Variants in HS6ST3 observed in about 807,000 individuals in gnomAD.
HS6ST3 encodes heparan-sulfate 6-O-sulfotransferase 3.
Under a neutral mutation model 36.7 loss-of-function variants are expected in HS6ST3, and 12 were observed. The ratio of observed to expected loss-of-function variants is 0.33; its 90% CI spans 0.21 to 0.53. The LOEUF (loss-of-function observed/expected upper bound fraction) is 0.53, where lower values mean the gene tolerates loss of function less well. HS6ST3 is among the 20% of genes least tolerant of loss of function. The pLI is 0.95. For missense variants in HS6ST3, 584 were observed against 640.9 expected (o/e 0.91, Z 0.96); for synonymous variants, 240 against 257.5 (o/e 0.93, Z 0.65).
chr13:96,832,691 C>T lies in HS6ST3; in HGVS notation c.909C>T (p.Tyr303=). 6.2e-7 allele frequency: 1 copy of T among 1,613,948 alleles called. No homozygotes were observed. The highest frequency in any genetic ancestry group is 8.5e-7 in the Non-Finnish European group (1 of 1,179,880). ...VSLREFMDCT[Y]NLANNRQVRM... ...TGCGGGAGTTTATGGATTGCACCTA[C>T]AACCTGGCTAACAATCGCCAGGTGC... Residue 303 remains tyrosine (Y), a synonymous_variant, in exon 2 of 2, where the codon TAC becomes TAT. Coordinates refer to ENST00000376705, the MANE Select transcript of HS6ST3 (RefSeq NM_153456.4).
intron 1 of HS6ST3, among the ~76,000 whole-genome samples, chr13:96,602,867 A>G (rs2056426515): frequency 6.6e-6 from 1 of 152,160 alleles, no homozygotes. Flanking sequence ...GTTTTCTTCA[A>G]GTGGACAGTT....
intron 1 of HS6ST3, among the ~76,000 whole-genome samples, chr13:96,622,618 A>G (rs1348053588): frequency 4.9e-4 from 1 of 2,042 alleles, no homozygotes; most frequent in Non-Finnish European, 1.4e-3. Flanking sequence ...AATTACTATA[A>G]AATATCTTAT....
chr13:96,406,037 T>C (rs140160465), intron 1 of HS6ST3, among the ~76,000 whole-genome samples: 1 of 152,342 alleles, frequency 6.6e-6, no homozygotes, highest in African/African-American at 2.4e-5. Context: ...GTGTGATTAA[T>C]GTAGTTTCCT....
At chr13:96,605,411 A>G (rs1480928617) in intron 1 of HS6ST3, among the ~76,000 whole-genome samples, 1 of 152,074 alleles carries the variant, frequency 6.6e-6, no homozygotes, top group Non-Finnish European at 1.5e-5. Context: ...GGTTTTATTT[A>G]TATCTTTTTT....
intron 1 of HS6ST3, among the ~76,000 whole-genome samples, chr13:96,363,640 C>T (rs2055250079): frequency 6.6e-6 from 1 of 152,044 alleles, no homozygotes; most frequent in Non-Finnish European, 1.5e-5. Flanking sequence ...TCAATAGCAG[C>T]AATCAGTCTT....
At chr13:96,507,460 A>G (rs571354378) in intron 1 of HS6ST3, among the ~76,000 whole-genome samples, 68 of 152,198 alleles carry the variant, frequency 4.5e-4, no homozygotes, top group Non-Finnish European at 8.4e-4. Context: ...AAGAGGAGGT[A>G]GGGTTTTGCA....
intron 1 of HS6ST3, among the ~76,000 whole-genome samples, chr13:96,456,440 C>T (rs2055755073): frequency 6.6e-6 from 1 of 152,140 alleles, no homozygotes; most frequent in African/African-American, 2.4e-5. Flanking sequence ...ACATGAATTA[C>T]TGATGTGCAA....
chr13:96,392,289 A>G (rs1182285905), intron 1 of HS6ST3, among the ~76,000 whole-genome samples: 1 of 152,222 alleles, frequency 6.6e-6, no homozygotes, highest in Non-Finnish European at 1.5e-5. Context: ...CTAATTGATT[A>G]ATTAATTTAT....
chr13:96,635,484 C>T (rs2056546355), intron 1 of HS6ST3, among the ~76,000 whole-genome samples: 1 of 152,130 alleles, frequency 6.6e-6, no homozygotes, highest in Non-Finnish European at 1.5e-5. Context: ...ATTTCTTTTT[C>T]AGCACTAATT....
chr13:96,256,822 T>C (rs1425166663), intron 1 of HS6ST3, among the ~76,000 whole-genome samples: 1 of 152,184 alleles, frequency 6.6e-6, no homozygotes, highest in Admixed American at 6.5e-5. Flanking sequence ...ATGGTGAGAA[T>C]TGCAGCATAT....
intron 1 of HS6ST3, among the ~76,000 whole-genome samples, chr13:96,107,830 T>C (rs1432362443): frequency 6.6e-6 from 1 of 152,234 alleles, no homozygotes; most frequent in Non-Finnish European, 1.5e-5. Flanking sequence ...CAATCAATAC[T>C]CTTATAATTT....
intron 1 of HS6ST3, among the ~76,000 whole-genome samples, chr13:96,824,616 A>T (rs1878611782): frequency 6.6e-6 from 1 of 152,214 alleles, no homozygotes; most frequent in South Asian, 2.1e-4. Context: ...ATGAGTGTGC[A>T]GCAACAAAGA....
chr13:96,133,843 G>GTTTTTTT (rs71113979), intron 1 of HS6ST3, among the ~76,000 whole-genome samples: 1 of 142,158 alleles, frequency 7.0e-6, no homozygotes. Flanking sequence ...GAGCTTTTAT[G>GTTTTTTT]TTTTTTTTTT....
intron 1 of HS6ST3, among the ~76,000 whole-genome samples, chr13:96,792,077 C>G (rs549149863): frequency 4.2e-4 from 64 of 151,880 alleles, no homozygotes; most frequent in Non-Finnish European, 7.5e-4. Context: ...ACATATTACT[C>G]TAGGTCTAAA....
At chr13:96,464,615 A>T (rs2055803058) in intron 1 of HS6ST3, among the ~76,000 whole-genome samples, 2 of 152,210 alleles carry the variant, frequency 1.3e-5, no homozygotes, top group Non-Finnish European at 2.9e-5. Context: ...GTACGTAGTT[A>T]CATATATAAT....
intron 1 of HS6ST3, among the ~76,000 whole-genome samples, chr13:96,733,707 G>C (rs1004625794): frequency 6.6e-6 from 1 of 152,200 alleles, no homozygotes; most frequent in African/African-American, 2.4e-5. Context: ...TTTTGTGAAT[G>C]TCATAGATAA....
chr13:96,253,215 G>A (rs2054616015), intron 1 of HS6ST3, among the ~76,000 whole-genome samples: 1 of 152,012 alleles, frequency 6.6e-6, no homozygotes, highest in Admixed American at 6.6e-5. Flanking sequence ...AGAACTGCAG[G>A]CCAGTTGCTG....
At chr13:96,595,148 T>C (rs984006618) in intron 1 of HS6ST3, among the ~76,000 whole-genome samples, 2 of 152,122 alleles carry the variant, frequency 1.3e-5, no homozygotes, top group Non-Finnish European at 2.9e-5. Context: ...TGCGCTCAAG[T>C]GATCCACCAG....
intron 1 of HS6ST3, among the ~76,000 whole-genome samples, chr13:96,351,143 G>A (rs1594760151): frequency 6.6e-6 from 1 of 151,960 alleles, no homozygotes; most frequent in Middle Eastern, 3.4e-3. Context: ...GTAGCATTAA[G>A]GATAATAAAT....
Sources: gnomAD v4.1 joint callset for allele counts (sites outside exome capture counted in the v4.1 genomes callset) on GRCh38, gnomAD v4.1.1 for gene constraint, MANE v1.5 for transcripts, NCBI Gene and HGNC (gene_info 2026-07-23, HGNC 2026-07-21) for gene names.